Variants in NCLN observed in about 807,000 individuals in gnomAD.
NCLN encodes nicalin, also known as BOS complex subunit NCLN.
Under a neutral mutation model 69.5 loss-of-function variants are expected in NCLN, and 34 were observed. The ratio of observed to expected loss-of-function variants is 0.49; its 90% CI spans 0.37 to 0.65. NCLN has a LOEUF of 0.65. NCLN is among the 30% of genes least tolerant of loss of function. The pLI, the probability that NCLN is intolerant of heterozygous loss-of-function variation, is 0.00. For synonymous variants in NCLN, 393 were observed against 358.3 expected (o/e 1.10, Z -1.09); for missense variants, 710 against 804.8 (o/e 0.88, Z 1.42).
At chr19:3,198,761 A>G in intron 4 of NCLN, 56 bp from the exon 5 acceptor site, 1 of 1,464,104 alleles carries the variant, frequency 6.8e-7, no homozygotes, top group East Asian at 2.5e-5. Context: ...CAAGCCCCAC[A>G]CACGGGTCAC....
At chr19:3,194,333 A>G (rs1417602895) in intron 3 of NCLN, among the ~76,000 whole-genome samples, 2 of 152,126 alleles carry the variant, frequency 1.3e-5, no homozygotes, top group African/African-American at 2.4e-5. Flanking sequence ...TGGTGAGCTG[A>G]GGTCACACCA....
intron 4 of NCLN, among the ~76,000 whole-genome samples, chr19:3,198,616 G>A (rs530104932): frequency 1.3e-5 from 2 of 152,046 alleles, no homozygotes; most frequent in African/African-American, 4.8e-5. Context: ...CCCTGTTCCC[G>A]GCTCTACCTC....
intron 3 of NCLN, among the ~76,000 whole-genome samples, chr19:3,195,612 T>G (rs183668306): frequency 3.0e-3 from 455 of 152,216 alleles, no homozygotes; most frequent in Admixed American, 5.2e-3. Context: ...TCTTATTATC[T>G]TTTATTTTAT....
intron 1 of NCLN, among the ~76,000 whole-genome samples, chr19:3,188,533 G>A (rs563629702): frequency 3.3e-5 from 5 of 152,032 alleles, no homozygotes; most frequent in East Asian, 1.9e-4. Context: ...TTTTGGTGGC[G>A]CCTCCCTCCC....
intron 1 of NCLN, among the ~76,000 whole-genome samples, chr19:3,190,748 C>T (rs1915799241): frequency 3.4e-5 from 5 of 148,734 alleles, no homozygotes; most frequent in Middle Eastern, 3.4e-3. Context: ...GGCCCCCCTG[C>T]GTCAGGCCTG....
chr19:3,188,641 C>T (rs775301853), intron 1 of NCLN, among the ~76,000 whole-genome samples: 1 of 152,250 alleles, frequency 6.6e-6, no homozygotes, highest in African/African-American at 2.4e-5. Context: ...GGCCTCCTCC[C>T]CTGTACCCTC....
chr19:3,188,593 C>T (rs912495324), intron 1 of NCLN, among the ~76,000 whole-genome samples: 1 of 152,182 alleles, frequency 6.6e-6, no homozygotes, highest in Non-Finnish European at 1.5e-5. Context: ...GGGCCTTTGC[C>T]CACAATCCTG....
intron 5 of NCLN, among the ~76,000 whole-genome samples, chr19:3,199,492 A>C (rs1341176086): frequency 6.6e-6 from 1 of 152,134 alleles, no homozygotes; most frequent in African/African-American, 2.4e-5. Flanking sequence ...GGAGGGAAGC[A>C]GGGCCCGTGT....
chr19:3,203,379 G>A (rs1253338345), intron 6 of NCLN, among the ~76,000 whole-genome samples: 3 of 152,114 alleles, frequency 2.0e-5, no homozygotes, highest in Non-Finnish European at 4.4e-5. Context: ...CCTCGTGTCT[G>A]TTGCCTGGTC....
At chr19:3,203,733 T>C in intron 6 of NCLN, 23 bp from the exon 7 acceptor site, 1 of 1,600,198 alleles carries the variant, frequency 6.2e-7, no homozygotes, top group Non-Finnish European at 8.5e-7. Flanking sequence ...CCGTCAAAGC[T>C]AACACTGGGT....
chr19:3,187,626 C>G (rs1197844153), intron 1 of NCLN, among the ~76,000 whole-genome samples: 1 of 152,184 alleles, frequency 6.6e-6, no homozygotes, highest in Non-Finnish European at 1.5e-5. Context: ...CTGGGGACAT[C>G]TGTGGTTGTC....
chr19:3,207,485 G>A lies in NCLN; in HGVS notation c.1632+16G>A, dbSNP rs1371190669. On this transcript the variant is annotated intron_variant, in intron 14 of 14. Coordinates refer to ENST00000246117, the MANE Select transcript of NCLN (RefSeq NM_020170.4). ...GGCTGTCCAGGTGAGCAGTGCCCAGGCTCAGGTGGGGCAGGGGCCGCCCGC... is the reference window on the plus strand; with the variant it reads ...GGCTGTCCAGGTGAGCAGTGCCCAGACTCAGGTGGGGCAGGGGCCGCCCGC... 2 of 1,612,192 alleles carry A rather than the reference G, an allele frequency of 1.2e-6. No individual in the cohort carries two copies. Among genetic ancestry groups the A allele is most frequent in the Admixed American group, 1.7e-5 (1 of 60,002 alleles).
At chr19:3,189,832 C>T (rs990710136) in intron 1 of NCLN, among the ~76,000 whole-genome samples, 38 of 152,326 alleles carry the variant, frequency 2.5e-4, no homozygotes, top group African/African-American at 7.9e-4. Flanking sequence ...CCCGAGCGAG[C>T]GGGGGCTGGG....
chr19:3,194,445 A>G (rs771418224), intron 3 of NCLN, among the ~76,000 whole-genome samples: 12 of 152,148 alleles, frequency 7.9e-5, no homozygotes, highest in Non-Finnish European at 1.3e-4. Context: ...AGAGTTGGCT[A>G]ACACTGGCCA....
chr19:3,203,974 AC>A, intron 7 of NCLN, 30 bp from the exon 8 acceptor site: 1 of 1,532,492 alleles, frequency 6.5e-7, no homozygotes, highest in Non-Finnish European at 8.8e-7. Context: ...CCTGGTCCCC[AC>A]CCACCCCGCC....
Position 3,207,887 on chromosome 19 carries a change from T to A in NCLN, c.*199T>A, listed in dbSNP as rs1916316940. The stretch of plus-strand genomic sequence containing the variant: ...GGGGGGGGATTGTTTCTTCTTTTCC[T>A]TGTCTTTGAACTTCCTTGGAGGAGA... On this transcript the variant is annotated 3_prime_UTR_variant, in exon 15 of 15. Transcript: ENST00000246117. 1 of 578,266 alleles carries A rather than the reference T, an allele frequency of 1.7e-6. No homozygotes were observed. Among genetic ancestry groups the A allele is most frequent in the Non-Finnish European group, 3.1e-6 (1 of 323,258 alleles). The allele number at this position is 578,266 out of a possible 1,614,324, so 35.8% of individuals were successfully genotyped here.
chr19:3,199,002 G>A (rs1201602600), intron 5 of NCLN, 105 bp downstream of exon 5: 3 of 762,878 alleles, frequency 3.9e-6, no homozygotes, highest in Non-Finnish European at 5.7e-6. Context: ...CAGGGTCAGC[G>A]GCTCTCCCTG....
At chr19:3,196,975 T>C (rs1428118569) in intron 4 of NCLN, among the ~76,000 whole-genome samples, 2 of 152,222 alleles carry the variant, frequency 1.3e-5, no homozygotes, top group African/African-American at 4.8e-5. Context: ...CCAGGCCTTG[T>C]TGGGGGGTGC....
intron 5 of NCLN, among the ~76,000 whole-genome samples, chr19:3,199,908 G>A (rs1049147456): frequency 2.6e-5 from 4 of 151,814 alleles, no homozygotes; most frequent in African/African-American, 9.7e-5. Context: ...CACCACGTTA[G>A]CCAGGATGGT....
Sources: gnomAD v4.1 joint callset for allele counts (sites outside exome capture counted in the v4.1 genomes callset) on GRCh38, gnomAD v4.1.1 for gene constraint, MANE v1.5 for transcripts, NCBI Gene and HGNC (gene_info 2026-07-23, HGNC 2026-07-21) for gene names.